SHANK2: variants seen among roughly 807,000 people sequenced by gnomAD.
SHANK2 encodes SH3 and multiple ankyrin repeat domains 2, also known as SH3 and multiple ankyrin repeat domains protein 2.
In SHANK2, 43 loss-of-function variants were observed where a neutral mutation model predicts 133.7. That is an observed-to-expected ratio of 0.32 (90% CI 0.25 to 0.41). SHANK2 has a LOEUF of 0.41. Among genes scored for constraint, SHANK2 ranks in the 10% least tolerant of loss-of-function variants. SHANK2 has a pLI of 1.00. For synonymous variants in SHANK2, 1,017 were observed against 952.8 expected (o/e 1.07, Z -1.24); for missense variants, 1,994 against 2,235.8 (o/e 0.89, Z 2.18).
intron 10 of SHANK2, among the ~76,000 whole-genome samples, chr11:70,912,852 G>C (rs568081837): frequency 8.1e-4 from 123 of 152,234 alleles, no homozygotes; most frequent in African/African-American, 2.9e-3. Flanking sequence ...AGCTTCTACA[G>C]AAATCCAAAT....
intron 11 of SHANK2, among the ~76,000 whole-genome samples, chr11:70,852,833 ACT>A (rs1230994068): frequency 2.6e-5 from 4 of 152,064 alleles, no homozygotes; most frequent in East Asian, 1.9e-4. Context: ...ACAAAGCAAG[ACT>A]CTGTCTCAAT....
At position 70,738,675 on chromosome 11, in the gene SHANK2, G is replaced by A. The variant is rs782342866; in HGVS notation, c.1778-39912C>T. On this transcript the variant is annotated intron_variant, in intron 14 of 25. Transcript: ENST00000601538. ...GTCCTGTCTTTCTGCAGTGGCCACC[G>A]TACTCATTCTTATAACCCCCATCAG... Among the ~76,000 whole-genome samples the A allele has an allele frequency of 3.9e-5, 6 of 152,192 alleles. No individual in the cohort carries two copies. In the East Asian group the frequency reaches 1.2e-3, roughly 29 times the overall value.
chr11:70,822,452 G>A (rs1030669658), intron 11 of SHANK2, among the ~76,000 whole-genome samples: 2 of 152,268 alleles, frequency 1.3e-5, no homozygotes, highest in Admixed American at 6.5e-5. Context: ...AGGTGGTGCT[G>A]GCAGAGGTCA....
Position 70,487,218 on chromosome 11 carries a change from C to T in SHANK2, c.3075G>A (p.Lys1025=). The change falls in exon 25 of 26, where the codon AAG becomes AAA. Residue 1025 remains lysine, a synonymous_variant. Transcript: ENST00000601538. This position sits in a 1 kb window ranked among gnomAD's most constrained non-coding sequence, Gnocchi z 5.8. ...TGGTCGGGATAGGGATGGAGCACGT[C>T]TTCTCGGGGCTGTCCTCCACGTTGG... The part of the protein sequence containing the change: ...KQSNVEDSPE[K]TCSIPIPTII... 6.2e-7 allele frequency: 1 copy of T among 1,614,098 alleles called. No homozygotes were observed. Among genetic ancestry groups the T allele is most frequent in the Non-Finnish European group, 8.5e-7 (1 of 1,180,046 alleles).
intron 3 of SHANK2, among the ~76,000 whole-genome samples, chr11:71,146,545 G>T (rs1368254957): frequency 6.6e-6 from 1 of 152,246 alleles, no homozygotes; most frequent in Non-Finnish European, 1.5e-5. Flanking sequence ...GCGTGGGCCA[G>T]GGCAGCCTGA....
intron 8 of SHANK2, among the ~76,000 whole-genome samples, chr11:71,079,531 C>A (rs1183341743): frequency 6.6e-6 from 1 of 152,082 alleles, no homozygotes; most frequent in African/African-American, 2.4e-5. Flanking sequence ...GAGGCCGAGG[C>A]GGGCGGATCA....
At chr11:71,114,294 C>T (rs1471868585) in intron 4 of SHANK2, among the ~76,000 whole-genome samples, 2 of 152,196 alleles carry the variant, frequency 1.3e-5, no homozygotes, top group African/African-American at 4.8e-5. Flanking sequence ...CTCCTTACTG[C>T]CCTTGATGCC....
Position 70,535,513 on chromosome 11 carries a change from T to C in SHANK2, c.2062-32582A>G, listed in dbSNP as rs1334336426. Reference sequence around the variant, plus strand: ...ATCCATCCGTCCGTCCGTCCATCTATTCATCCATTCACCATCATCCATCAG... The same window carrying C: ...ATCCATCCGTCCGTCCGTCCATCTACTCATCCATTCACCATCATCCATCAG... On this transcript the variant is annotated intron_variant, in intron 17 of 25. Transcript: ENST00000601538. This position sits in a 1 kb window ranked among gnomAD's most constrained non-coding sequence, Gnocchi z 4.3. Among the ~76,000 whole-genome samples the C allele has an allele frequency of 6.6e-6, 1 of 152,224 alleles. No homozygotes were observed. The highest frequency in any genetic ancestry group is 1.5e-5 in the Non-Finnish European group (1 of 68,038).
In SHANK2 at chr11:71,219,254, C is replaced by T. The variant is rs567420131; in HGVS notation, c.-13+5443G>A. ...CAACTTTGCAGAGCATGCAGTCTGT[C>T]ACAACGATTCAACTCTGCCACACAC... is the stretch of plus-strand genomic sequence containing the variant. On this transcript the variant is annotated intron_variant, in intron 2 of 25. Coordinates refer to ENST00000601538, the MANE Select transcript of SHANK2 (RefSeq NM_012309.5). Among the ~76,000 whole-genome samples, 16 of 152,328 alleles carry T rather than the reference C, an allele frequency of 1.1e-4. No individual in the cohort carries two copies. In the South Asian group the frequency reaches 3.3e-3, roughly 32 times the overall value.
intron 17 of SHANK2, among the ~76,000 whole-genome samples, chr11:70,513,163 G>GT (rs146172564): frequency 0.031 from 4,458 of 143,964 alleles, 63 homozygotes; most frequent in South Asian, 0.092. Flanking sequence ...GCAGTTTTTT[G>GT]TTTTTTTTTT....
At position 70,487,537 on chromosome 11, in the gene SHANK2, G is replaced by A. The variant is rs2058828805; in HGVS notation, c.2756C>T (p.Thr919Met). 2.5e-6 allele frequency: 4 copies of A among 1,613,624 alleles called. No individual in the cohort carries two copies. Among genetic ancestry groups the A allele is most frequent in the Non-Finnish European group, 2.5e-6 (3 of 1,179,966 alleles). Residue 919 changes from threonine (T) to methionine (M), a missense_variant, in exon 25 of 26, where the codon ACG (threonine) becomes ATG (methionine). By Grantham distance (81) the Thr-to-Met change is moderately conservative. This residue lies in a region of SHANK2 where 488 missense variants were observed against 642.6 expected (regional missense o/e 0.76). Coordinates refer to ENST00000601538, the MANE Select transcript of SHANK2 (RefSeq NM_012309.5). The surrounding 1 kb of genome is among the most constrained non-coding windows in gnomAD (Gnocchi z 5.8). ...ATTCTGATTGAACGCAGGCTTAATC[G>A]TCCCGTAGACTCTTGGAGTTGGGGA... ...PKSPTPRVYG[T>M]IKPAFNQNSA...
intron 14 of SHANK2, among the ~76,000 whole-genome samples, chr11:70,769,016 G>T (rs1555042036): frequency 1.3e-5 from 2 of 152,156 alleles, no homozygotes; most frequent in Non-Finnish European, 2.9e-5. Flanking sequence ...TCTTGGGTCT[G>T]CCTTGTCGGG....
chr11:70,473,624 G>A lies in SHANK2; in HGVS notation c.4980-185C>T. 2.9e-6 allele frequency: 2 copies of A among 697,170 alleles called. No individual in the cohort carries two copies. The highest frequency in any genetic ancestry group is 1.6e-5 in the South Asian group (1 of 63,332). 43.2% of individuals were successfully genotyped at this position (697,170 alleles called of 1,614,324 possible). ...GGGGGAGGGGGAGAAAGGGGCCAGA[G>A]CAAAGTTGGAGACACCAGAGCACAC... On this transcript the variant is annotated intron_variant, in intron 25 of 25. Coordinates refer to ENST00000601538, the MANE Select transcript of SHANK2 (RefSeq NM_012309.5). This position sits in a 1 kb window ranked among gnomAD's most constrained non-coding sequence, Gnocchi z 5.9.
At chr11:71,108,723 A>G (rs1555098434) in intron 6 of SHANK2, among the ~76,000 whole-genome samples, 1 of 151,546 alleles carries the variant, frequency 6.6e-6, no homozygotes, top group African/African-American at 2.4e-5. Flanking sequence ...CTTTCCCCCT[A>G]TCCCCGGGGG....
intron 14 of SHANK2, among the ~76,000 whole-genome samples, chr11:70,771,712 A>T (rs1326568370): frequency 6.6e-6 from 1 of 151,806 alleles, no homozygotes. Flanking sequence ...AGCTCATTCC[A>T]GGAGCAGCTG....
chr11:70,868,369 G>A (rs374657508), intron 11 of SHANK2, among the ~76,000 whole-genome samples: 1 of 152,248 alleles, frequency 6.6e-6, no homozygotes, highest in African/African-American at 2.4e-5. Context: ...CCCAGGCCTC[G>A]GTTTCTCCAT....
chr11:70,771,751 C>A (rs1947255752), intron 14 of SHANK2, among the ~76,000 whole-genome samples: 1 of 152,128 alleles, frequency 6.6e-6, no homozygotes, highest in African/African-American at 2.4e-5. Flanking sequence ...CCCACTGTGG[C>A]CACACACGGC....
intron 17 of SHANK2, among the ~76,000 whole-genome samples, chr11:70,519,990 T>C (rs2059311340): frequency 6.6e-6 from 1 of 151,396 alleles, no homozygotes; most frequent in Non-Finnish European, 1.5e-5. Flanking sequence ...TCAAGCAATC[T>C]GCCTGCCTCA....
At chr11:70,818,642 C>T (rs1555055029) in intron 12 of SHANK2, among the ~76,000 whole-genome samples, 3 of 152,174 alleles carry the variant, frequency 2.0e-5, no homozygotes, top group African/African-American at 4.8e-5. Flanking sequence ...GGACTCCTCC[C>T]TTGGGGTCCT....
Sources: gnomAD v4.1 joint callset for allele counts (sites outside exome capture counted in the v4.1 genomes callset) on GRCh38, gnomAD v4.1.1 for gene constraint, gnomAD v4.1.1 regional missense constraint, Gnocchi (gnomAD v3.1) non-coding constraint, MANE v1.5 for transcripts, NCBI Gene and HGNC (gene_info 2026-07-23, HGNC 2026-07-21) for gene names.